Variants in ABCB11 observed in about 807,000 individuals in gnomAD.
The protein encoded by ABCB11 is bile salt export pump.
Under a neutral mutation model 148.0 loss-of-function variants are expected in ABCB11, and 95 were observed. That is an observed-to-expected ratio of 0.64 (90% CI 0.54 to 0.76). The LOEUF is 0.76. Among genes scored for constraint, ABCB11 ranks in the 30% least tolerant of loss-of-function variants. The pLI, the probability that ABCB11 is intolerant of heterozygous loss-of-function variation, is 0.00. For synonymous variants in ABCB11, 591 were observed against 555.4 expected, an observed-to-expected ratio of 1.06 and a Z score of -0.90; for missense variants, 1,523 against 1,617.8, an observed-to-expected ratio of 0.94 and a Z score of 1.01.
At chr2:169,018,026 C>T (rs1461880466) in intron 2 of ABCB11, 24 bp downstream of exon 2, 1 of 1,575,044 alleles carries the variant, frequency 6.3e-7, no homozygotes, top group Non-Finnish European at 8.7e-7. Flanking sequence ...GTACAAGATG[C>T]AGTGAGGGAA....
At chr2:168,962,338 A>G (rs999416883) in intron 18 of ABCB11, among the ~76,000 whole-genome samples, 3 of 151,740 alleles carry the variant, frequency 2.0e-5, no homozygotes, top group African/African-American at 7.2e-5. Context: ...CTAGTAGAAC[A>G]TAATATGAAA....
intron 5 of ABCB11, 22 bp downstream of exon 5, chr2:169,013,250 A>C (rs1695243819): frequency 6.4e-7 from 1 of 1,567,002 alleles, no homozygotes; most frequent in South Asian, 1.2e-5. Context: ...AAAGTAAAAA[A>C]TTAAAAACAA....
chr2:168,972,547 A>G (rs975974287), intron 13 of ABCB11, among the ~76,000 whole-genome samples: 3 of 152,068 alleles, frequency 2.0e-5, no homozygotes, highest in African/African-American at 7.2e-5. Context: ...AAAAATCACT[A>G]TTAGTAAAAA....
rs181486409 is a variant in ABCB11 at position 168,938,022 on chromosome 2, A to G, written c.2611-1589T>C. ...ATCACTTCTTTTTAAAATTGTAGAA[A>G]CACATTTTTATTTAAGACAAAAAAA... is the stretch of plus-strand genomic sequence containing the variant. On this transcript the variant is annotated intron_variant, in intron 21 of 27. Coordinates refer to ENST00000650372, the MANE Select transcript of ABCB11 (RefSeq NM_003742.4). Among the ~76,000 whole-genome samples the G allele has an allele frequency of 3.2e-3, 483 of 152,034 alleles. 4 individuals carry two copies. The highest frequency in any genetic ancestry group is 4.3e-3 in the Non-Finnish European group (292 of 68,034).
chr2:168,930,093 GA>G (rs773306123), intron 25 of ABCB11, among the ~76,000 whole-genome samples: 1 of 151,366 alleles, frequency 6.6e-6, no homozygotes, highest in African/African-American at 2.4e-5. Flanking sequence ...TTTAAAGAAA[GA>G]AAAAAAGGAC....
chr2:169,001,348 T>C (rs1040927646), intron 5 of ABCB11, among the ~76,000 whole-genome samples: 1 of 152,192 alleles, frequency 6.6e-6, no homozygotes, highest in Non-Finnish European at 1.5e-5. Context: ...TCCTTAGCCA[T>C]TCTTTTGGGG....
At chr2:168,993,476 G>A (rs1473320505) in intron 8 of ABCB11, among the ~76,000 whole-genome samples, 1 of 152,050 alleles carries the variant, frequency 6.6e-6, no homozygotes, top group Non-Finnish European at 1.5e-5. Flanking sequence ...GAGAAACAGT[G>A]AATGCTCAAT....
At chr2:168,930,104 CAG>C (rs1194835411) in intron 25 of ABCB11, among the ~76,000 whole-genome samples, 1 of 151,938 alleles carries the variant, frequency 6.6e-6, no homozygotes, top group Non-Finnish European at 1.5e-5. Context: ...AAAAAAAGGA[CAG>C]AAAAGAGAAA....
rs951486880 is a variant in ABCB11, at chr2:169,014,334, C to A, written c.119G>T (p.Gly40Val). The change falls in exon 4 of 28, where the codon GGT (glycine) becomes GTT (valine). Residue 40 changes from glycine (G) to valine (V), a missense_variant. Coordinates refer to ENST00000650372, the MANE Select transcript of ABCB11 (RefSeq NM_003742.4). ...KKSRLQDEKK[G>V]DGVRVGFFQL... ...AAAGAAGCCAACTCTAACGCCATCA[C>A]CTTTCTTCTCATCTTGTAACCTGAT... 3.7e-6 allele frequency: 6 copies of A among 1,613,376 alleles called. No individual in the cohort carries two copies. Among genetic ancestry groups the A allele is most frequent in the Non-Finnish European group, 5.1e-6 (6 of 1,179,532 alleles).
intron 1 of ABCB11, among the ~76,000 whole-genome samples, chr2:169,026,697 A>T (rs1362031033): frequency 2.0e-5 from 3 of 152,084 alleles, no homozygotes; most frequent in African/African-American, 7.2e-5. Context: ...CTGGCAAATT[A>T]TTTTTTTTAT....
chr2:169,020,731 G>C (rs1458743541), intron 1 of ABCB11, among the ~76,000 whole-genome samples: 1 of 152,100 alleles, frequency 6.6e-6, no homozygotes, highest in African/African-American at 2.4e-5. Flanking sequence ...GGTAGGGGTA[G>C]GGGTGGGAGG....
intron 1 of ABCB11, among the ~76,000 whole-genome samples, chr2:169,027,375 G>T (rs1338912621): frequency 6.6e-6 from 1 of 152,152 alleles, no homozygotes; most frequent in African/African-American, 2.4e-5. Context: ...GTGACATGTG[G>T]TCTATAACCT....
intron 18 of ABCB11, among the ~76,000 whole-genome samples, chr2:168,960,634 C>T (rs1476548800): frequency 6.6e-6 from 1 of 151,578 alleles, no homozygotes; most frequent in Non-Finnish European, 1.5e-5. Context: ...TTCCTCTATA[C>T]TAAAAGTTTG....
chr2:168,981,839 A>G (rs1389086076), intron 10 of ABCB11, among the ~76,000 whole-genome samples: 1 of 152,186 alleles, frequency 6.6e-6, no homozygotes, highest in African/African-American at 2.4e-5. Flanking sequence ...ACATATGTAA[A>G]TAAGTGACTG....
chr2:168,957,375 G>C (rs1021457192), intron 19 of ABCB11, among the ~76,000 whole-genome samples: 3 of 151,676 alleles, frequency 2.0e-5, no homozygotes, highest in Non-Finnish European at 4.4e-5. Context: ...CATGTTCATA[G>C]TTATTATGAT....
At chr2:169,018,713 TGG>T (rs1348458111) in intron 1 of ABCB11, among the ~76,000 whole-genome samples, 7 of 152,062 alleles carry the variant, frequency 4.6e-5, no homozygotes, top group Non-Finnish European at 1.0e-4. Flanking sequence ...TTATTCACAG[TGG>T]AAAAATTAGT....
intron 1 of ABCB11, among the ~76,000 whole-genome samples, chr2:169,024,575 G>C (rs1354865917): frequency 7.4e-6 from 1 of 135,712 alleles, no homozygotes; most frequent in Non-Finnish European, 1.7e-5. Flanking sequence ...TAAATGTCTT[G>C]CATTAGTATT....
Position 168,958,065 on chromosome 2 carries a change from T to C in ABCB11, c.2242A>G (p.Ser748Gly), listed in dbSNP as rs1206614872. 1 of 1,611,328 alleles carries C rather than the reference T, an allele frequency of 6.2e-7. No individual in the cohort carries two copies. The highest frequency in any genetic ancestry group is 8.5e-7 in the Non-Finnish European group (1 of 1,178,334). ...PAPVRRILKF[S>G]APEWPYMLVG... ...AGCATGTAGGGCCATTCTGGAGCAC[T>C]GAATTTCAGAATCCTCCTAACTGGG... Residue 748 changes from serine to glycine, a missense_variant, in exon 19 of 28, where the codon AGT becomes GGT. Transcript: ENST00000650372.
At chr2:168,955,322 A>T (rs182324209) in intron 19 of ABCB11, among the ~76,000 whole-genome samples, 56 of 151,786 alleles carry the variant, frequency 3.7e-4, no homozygotes, top group African/African-American at 1.3e-3. Flanking sequence ...TAATTTATGA[A>T]GAAAAGAGGT....
Sources: allele counts gnomAD v4.1 joint callset (sites outside exome capture counted in the v4.1 genomes callset), GRCh38; gene constraint gnomAD v4.1.1; transcripts MANE v1.5; gene names NCBI Gene and HGNC (gene_info 2026-07-23, HGNC 2026-07-21).